The following GALNT7 variants were observed in gnomAD, a reference collection of about 807,000 sequenced individuals.
GALNT7 encodes N-acetylgalactosaminyltransferase 7.
Under a neutral mutation model 82.1 loss-of-function variants are expected in GALNT7, and 60 were observed. The observed-to-expected ratio is 0.73, with a 90% confidence interval of 0.59 to 0.91. GALNT7 has a LOEUF of 0.91. Among genes scored for constraint, GALNT7 ranks in the 40% least tolerant of loss-of-function variants. GALNT7 has a pLI of 0.00. For synonymous variants in GALNT7, 243 were observed against 275.1 expected (o/e 0.88, Z 1.15); for missense variants, 660 against 804.2 (o/e 0.82, Z 2.17).
At chr4:173,179,091 T>A (rs1196136520) in intron 1 of GALNT7, among the ~76,000 whole-genome samples, 3 of 152,252 alleles carry the variant, frequency 2.0e-5, no homozygotes, top group African/African-American at 7.2e-5. Context: ...TTATTTTTTA[T>A]GCATAGCTGT....
chr4:173,174,600 C>T (rs910369404), intron 1 of GALNT7, among the ~76,000 whole-genome samples: 11 of 152,194 alleles, frequency 7.2e-5, no homozygotes, highest in Non-Finnish European at 1.3e-4. Context: ...CCTGTTACCA[C>T]CTGCTTGCCC....
chr4:173,239,460 TTGAC>T (rs1488531417), intron 1 of GALNT7, among the ~76,000 whole-genome samples: 2 of 152,160 alleles, frequency 1.3e-5, no homozygotes, highest in Non-Finnish European at 2.9e-5. Context: ...AGCCCTCACT[TTGAC>T]TGGGGAGAAA....
chr4:173,208,095 T>C (rs1377716384), intron 1 of GALNT7, among the ~76,000 whole-genome samples: 1 of 152,170 alleles, frequency 6.6e-6, no homozygotes, highest in Admixed American at 6.5e-5. Context: ...GGGACTTGGA[T>C]TTAAGAATAT....
intron 1 of GALNT7, among the ~76,000 whole-genome samples, chr4:173,239,586 A>G (rs1301515862): frequency 2.0e-5 from 3 of 152,348 alleles, no homozygotes; most frequent in East Asian, 3.9e-4. Flanking sequence ...AACAGGACCC[A>G]GGACCATGGG....
In GALNT7 at chr4:173,321,807, T is replaced by C; in HGVS notation, c.*90T>C. On this transcript the variant is annotated 3_prime_UTR_variant, in exon 12 of 12. Transcript: ENST00000265000. ...CTGAAACCTGCTGCAACTATTGTTA[T>C]TAACTCTGTATAGCTCCAAACCTGG... 1 of 837,782 alleles carries C rather than the reference T, an allele frequency of 1.2e-6. No homozygotes were observed. The highest frequency in any genetic ancestry group is 2.1e-5 in the Admixed American group (1 of 46,804). The allele number at this position is 837,782 out of a possible 1,614,324, so 51.9% of individuals were successfully genotyped here.
chr4:173,295,114 C>T (rs1294344123), intron 3 of GALNT7, among the ~76,000 whole-genome samples: 1 of 152,118 alleles, frequency 6.6e-6, no homozygotes, highest in African/African-American at 2.4e-5. Context: ...TGAACAGGAA[C>T]AAAAATTTTA....
rs78647389 is a variant in GALNT7, at chr4:173,292,030, A to C, written c.588-78A>C. ...AGTTAAGTCGATAGTATGTAATCCA[A>C]TCAGCAAATATAGTCAGCTTGGAGC... On this transcript the variant is annotated intron_variant, in intron 2 of 11. Coordinates refer to ENST00000265000, the MANE Select transcript of GALNT7 (RefSeq NM_017423.3). The surrounding 1 kb of genome is among the most constrained non-coding windows in gnomAD (Gnocchi z 4.8). 826 of 897,096 alleles carry C rather than the reference A, an allele frequency of 9.2e-4. 4 individuals carry two copies. The African/African-American group carries it at 0.013, about 14-fold the overall frequency. 55.6% of individuals were successfully genotyped at this position (897,096 alleles called of 1,614,324 possible). A position where few individuals can be genotyped will look rare whatever the true frequency, so the allele number is the denominator to read the frequency against.
chr4:173,249,996 A>G (rs1336758688), intron 2 of GALNT7, among the ~76,000 whole-genome samples: 1 of 152,138 alleles, frequency 6.6e-6, no homozygotes, highest in Admixed American at 6.6e-5. Flanking sequence ...GGGAGAAGGG[A>G]AGGGACTTTC....
intron 8 of GALNT7, 122 bp downstream of exon 8, chr4:173,304,240 C>T: frequency 7.1e-6 from 5 of 708,694 alleles, no homozygotes; most frequent in Non-Finnish European, 9.2e-6. Context: ...TTGATTCTCA[C>T]CTTTAACTTA....
chr4:173,311,108 A>G (rs1737365236), intron 8 of GALNT7, among the ~76,000 whole-genome samples: 1 of 152,184 alleles, frequency 6.6e-6, no homozygotes, highest in African/African-American at 2.4e-5. Flanking sequence ...GCAATACACC[A>G]TGATTTGTCA....
At chr4:173,306,042 C>T (rs905845350) in intron 8 of GALNT7, among the ~76,000 whole-genome samples, 2 of 151,894 alleles carry the variant, frequency 1.3e-5, no homozygotes, top group Middle Eastern at 3.2e-3. Flanking sequence ...GGTATCTTTC[C>T]ATTTATTTTG....
Position 173,251,398 on chromosome 4 carries a change from T to A in GALNT7, c.587+2958T>A, listed in dbSNP as rs188644542. 2.0e-5 allele frequency among the ~76,000 whole-genome samples: 3 copies of A among 152,356 alleles called. No individual in the cohort carries two copies. In the East Asian group the frequency reaches 5.8e-4, roughly 29 times the overall value. On this transcript the variant is annotated intron_variant, in intron 2 of 11. Transcript: ENST00000265000. Reference sequence around the variant, plus strand: ...TAGAAACCTGAGTATTATTAGCTGTTTTTACTGCTATGGTATTTTCTTCCT... The same window carrying A: ...TAGAAACCTGAGTATTATTAGCTGTATTTACTGCTATGGTATTTTCTTCCT...
chr4:173,311,913 A>C (rs1260910391), intron 8 of GALNT7, among the ~76,000 whole-genome samples: 4 of 152,222 alleles, frequency 2.6e-5, no homozygotes, highest in African/African-American at 4.8e-5. Context: ...TGCCTAGAAA[A>C]CATTTAATCT....
intron 2 of GALNT7, among the ~76,000 whole-genome samples, chr4:173,256,631 C>T (rs1185630892): frequency 1.5e-5 from 2 of 134,884 alleles, no homozygotes; most frequent in African/African-American, 2.8e-5. Context: ...TTCTTTCTTT[C>T]GCATACCCTT....
At position 173,248,446 on chromosome 4, in the gene GALNT7, C is replaced by T. The variant is rs1275690395; in HGVS notation, c.587+6C>T. ...AATGACTTACGCCAAGAAGAGTAAG[C>T]ACACATCCTCTTCTTTCTAAAAATG... On this transcript the variant is annotated splice_donor_region_variant and intron_variant, in intron 2 of 11. Coordinates refer to ENST00000265000, the MANE Select transcript of GALNT7 (RefSeq NM_017423.3). 7.2e-6 allele frequency: 11 copies of T among 1,532,500 alleles called. No homozygotes were observed. Among genetic ancestry groups the T allele is most frequent in the Admixed American group, 3.5e-5 (2 of 56,834 alleles). 94.9% of individuals were successfully genotyped at this position (1,532,500 alleles called of 1,614,324 possible).
chr4:173,171,476 C>G (rs1482937980), intron 1 of GALNT7, among the ~76,000 whole-genome samples: 6 of 152,200 alleles, frequency 3.9e-5, no homozygotes, highest in African/African-American at 1.2e-4. Context: ...GCTCCATTCA[C>G]CCTGTGCCAC....
intron 1 of GALNT7, among the ~76,000 whole-genome samples, chr4:173,225,111 A>AT (rs1407666598): frequency 1.3e-5 from 2 of 151,606 alleles, no homozygotes; most frequent in African/African-American, 4.8e-5. Flanking sequence ...TGGAGATAGA[A>AT]TTTTGTCAGA....
intron 1 of GALNT7, among the ~76,000 whole-genome samples, chr4:173,216,892 G>A (rs1407861610): frequency 6.6e-6 from 1 of 150,418 alleles, no homozygotes; most frequent in Non-Finnish European, 1.5e-5. Flanking sequence ...CACCACGCCT[G>A]GCTAATTTTT....
intron 8 of GALNT7, among the ~76,000 whole-genome samples, chr4:173,305,513 T>G (rs755099443): frequency 5.9e-5 from 9 of 152,230 alleles, no homozygotes; most frequent in African/African-American, 9.6e-5. Context: ...ATGGAATTTT[T>G]TCTTTTAGAA....
Sources: allele counts gnomAD v4.1 joint callset (sites outside exome capture counted in the v4.1 genomes callset), GRCh38; gene constraint gnomAD v4.1.1; non-coding constraint Gnocchi (gnomAD v3.1); transcripts MANE v1.5; gene names NCBI Gene and HGNC (gene_info 2026-07-23, HGNC 2026-07-21).